Variants in NASP observed in about 807,000 individuals in gnomAD.
NASP encodes NASP histone chaperone.
Under a neutral mutation model 89.5 loss-of-function variants are expected in NASP, and 24 were observed. That is an observed-to-expected ratio of 0.27 (90% CI 0.19 to 0.38). The LOEUF (loss-of-function observed/expected upper bound fraction) is 0.38. Ranked by LOEUF, NASP falls within the 10% of genes least tolerant of loss-of-function variation. The pLI is 1.00. For synonymous variants in NASP, 306 were observed against 324.7 expected, an observed-to-expected ratio of 0.94 and a Z score of 0.62; for missense variants, 848 against 921.4, an observed-to-expected ratio of 0.92 and a Z score of 1.03.
chr1:45,617,727 T>C, intron 14 of NASP, 136 bp downstream of exon 14: 1 of 1,106,092 alleles, frequency 9.0e-7, no homozygotes, highest in East Asian at 2.6e-5. Context: ...CAGAAAACGG[T>C]ACTTGTGCAG....
chr1:45,590,875 A>G (rs1051984795), intron 1 of NASP, among the ~76,000 whole-genome samples: 13 of 152,150 alleles, frequency 8.5e-5, no homozygotes, highest in African/African-American at 3.1e-4. Context: ...TATTCGATAT[A>G]CATGACTGGC....
chr1:45,590,044 A>AGATTCTTCAACCTT (rs1643492668), intron 1 of NASP, among the ~76,000 whole-genome samples: 1 of 152,206 alleles, frequency 6.6e-6, no homozygotes, highest in South Asian at 2.1e-4. Context: ...TTAGAAATGC[A>AGATTCTTCAACCTT]GATTCTTCAA....
rs1235803735 is a variant in NASP, at chr1:45,591,205, T to C, written c.60-18T>C. 1.3e-6 allele frequency: 2 copies of C among 1,488,374 alleles called. No homozygotes were observed. The highest frequency in any genetic ancestry group is 1.8e-6 in the Non-Finnish European group (2 of 1,105,822). 92.2% of individuals were successfully genotyped at this position (1,488,374 alleles called of 1,614,324 possible). ...GCCTCCAGTTTTACATTTTTTCCCCTTTAATTTTTTATTACAGAATTGAAG... is the reference window on the plus strand; with the variant it reads ...GCCTCCAGTTTTACATTTTTTCCCCCTTAATTTTTTATTACAGAATTGAAG... On this transcript the variant is annotated intron_variant, in intron 1 of 14. Coordinates refer to ENST00000350030, the MANE Select transcript of NASP (RefSeq NM_002482.4).
intron 3 of NASP, among the ~76,000 whole-genome samples, chr1:45,604,294 C>T (rs1643884196): frequency 6.6e-6 from 1 of 152,168 alleles, no homozygotes; most frequent in African/African-American, 2.4e-5. Context: ...TAATTTTTGT[C>T]CTTCTTCCTT....
intron 3 of NASP, 154 bp from the exon 4 acceptor site, chr1:45,604,782 A>G (rs947727541): frequency 8.5e-6 from 5 of 585,990 alleles, no homozygotes; most frequent in African/African-American, 5.6e-5. Flanking sequence ...ATTTTCATGC[A>G]TTGTTTAATG....
intron 1 of NASP, among the ~76,000 whole-genome samples, chr1:45,585,468 C>G (rs1557645597): frequency 6.6e-6 from 1 of 152,116 alleles, no homozygotes; most frequent in Non-Finnish European, 1.5e-5. Flanking sequence ...TCAAGTCACC[C>G]TGAGAATCAT....
In NASP at chr1:45,608,328, GA is replaced by G; in HGVS notation, c.1418del (p.Glu473GlyfsTer43). ...ETQEREEQMK[E>X]GEETEGSEED... is the part of the protein sequence containing the mutation. ...ACAAGAGAGAGAAGAACAGATGAAA[GA>G]GGGTGAAGGTAACCGGGATATGCAA... On this transcript the variant is annotated frameshift_variant, in exon 6 of 15. Coordinates refer to ENST00000350030, the MANE Select transcript of NASP (RefSeq NM_002482.4). LOFTEE classifies it high-confidence loss of function. 1 of 1,605,994 alleles carries G rather than the reference GA, an allele frequency of 6.2e-7. No homozygotes were observed. The highest frequency in any genetic ancestry group is 8.5e-7 in the Non-Finnish European group (1 of 1,175,830).
At chr1:45,588,132 C>G (rs1644584290) in intron 1 of NASP, among the ~76,000 whole-genome samples, 1 of 151,978 alleles carries the variant, frequency 6.6e-6, no homozygotes, top group African/African-American at 2.4e-5. Context: ...CATTCAGAGT[C>G]TAACTCCGTT....
chr1:45,590,675 A>T (rs1643522245), intron 1 of NASP, among the ~76,000 whole-genome samples: 1 of 139,468 alleles, frequency 7.2e-6, no homozygotes, highest in Non-Finnish European at 1.5e-5. Flanking sequence ...TTGCAGTCAT[A>T]GTGTAACTTT....
intron 10 of NASP, 50 bp downstream of exon 10, chr1:45,615,251 A>G: frequency 6.2e-7 from 1 of 1,611,542 alleles, no homozygotes; most frequent in Non-Finnish European, 8.5e-7. Flanking sequence ...AGCAATTAAC[A>G]AGGAAGAAAA....
At position 45,607,822 on chromosome 1, in the gene NASP, T is replaced by G. The variant is rs747408359; in HGVS notation, c.911T>G (p.Val304Gly). Residue 304 changes from valine (V) to glycine (G), a missense_variant, in exon 6 of 15, where the codon GTC becomes GGC. Val to Gly is a moderately radical substitution (Grantham distance 109, BLOSUM62 -3). Coordinates refer to ENST00000350030, the MANE Select transcript of NASP (RefSeq NM_002482.4). ...GAAGCAGAGTCTTTAGACCCGACAGTCAAGCCAGTGGATGTGGGTGGGGAC... is the reference window on the plus strand; with the variant it reads ...GAAGCAGAGTCTTTAGACCCGACAGGCAAGCCAGTGGATGTGGGTGGGGAC... ...EVEAESLDPT[V>G]KPVDVGGDEP... The G allele has an allele frequency of 6.2e-7, 1 of 1,613,882 alleles. No individual in the cohort carries two copies. Among genetic ancestry groups the G allele is most frequent in the African/African-American group, 1.3e-5 (1 of 74,844 alleles).
intron 3 of NASP, among the ~76,000 whole-genome samples, 192 bp downstream of exon 3, chr1:45,602,557 C>G (rs758849059): frequency 2.6e-5 from 4 of 152,150 alleles, no homozygotes; most frequent in African/African-American, 4.8e-5. Context: ...CTTTCATTTT[C>G]CTGAGTATGT....
chr1:45,593,563 A>G (rs1021880411), intron 2 of NASP, among the ~76,000 whole-genome samples: 1 of 150,392 alleles, frequency 6.6e-6, no homozygotes, highest in Non-Finnish European at 1.5e-5. Context: ...AAACTCCGAG[A>G]ACAGTTTTAT....
intron 9 of NASP, 119 bp downstream of exon 9, chr1:45,614,485 C>G (rs1227267193): frequency 2.6e-6 from 2 of 777,714 alleles, no homozygotes; most frequent in African/African-American, 1.7e-5. Flanking sequence ...CCCTGTAGAC[C>G]CTGGAACAAT....
At chr1:45,584,350 C>T in intron 1 of NASP, 145 bp downstream of exon 1, 1 of 716,950 alleles carries the variant, frequency 1.4e-6, no homozygotes, top group Non-Finnish European at 2.3e-6. Flanking sequence ...GGCCTGGTCA[C>T]TGGAGCAGTC....
intron 1 of NASP, among the ~76,000 whole-genome samples, chr1:45,589,768 G>A (rs2148329969): frequency 6.6e-6 from 1 of 152,160 alleles, no homozygotes; most frequent in Admixed American, 6.5e-5. Context: ...AGGCGTGGTG[G>A]TGGGCGCCTG....
intron 3 of NASP, among the ~76,000 whole-genome samples, chr1:45,602,583 C>T (rs536020177): frequency 6.6e-5 from 10 of 152,258 alleles, no homozygotes; most frequent in African/African-American, 2.2e-4. Flanking sequence ...GTATTCCAGT[C>T]ACTACTAATT....
intron 9 of NASP, among the ~76,000 whole-genome samples, chr1:45,614,751 C>T (rs2148372456): frequency 6.6e-6 from 1 of 152,158 alleles, no homozygotes; most frequent in African/African-American, 2.4e-5. Context: ...ATTGGCCAGG[C>T]TGGTCTTGAA....
In NASP at chr1:45,602,322, A is replaced by G. The variant is rs1206717675; in HGVS notation, c.175A>G (p.Ile59Val). ...ACAGAAACATCTGGTGATGGGGGAT[A>G]TTCCAGCAGCTGTCAATGCATTCCA... ...LGQKHLVMGDIPAAVNAFQEA... is the reference protein window; with the variant it reads ...LGQKHLVMGDVPAAVNAFQEA... Residue 59 changes from isoleucine to valine, a missense_variant, in exon 3 of 15, where the codon ATT becomes GTT. Ile to Val is a conservative substitution (Grantham distance 29). This residue lies in a region of NASP where 89 missense variants were observed against 79.2 expected (regional missense o/e 1.12). Transcript: ENST00000350030. 6.2e-7 allele frequency: 1 copy of G among 1,613,758 alleles called. No homozygotes were observed. The highest frequency in any genetic ancestry group is 1.1e-5 in the South Asian group (1 of 91,076).
Sources: allele counts gnomAD v4.1 joint callset (sites outside exome capture counted in the v4.1 genomes callset), GRCh38; gene constraint gnomAD v4.1.1; regional missense constraint gnomAD v4.1.1; transcripts MANE v1.5; gene names NCBI Gene and HGNC (gene_info 2026-07-23, HGNC 2026-07-21).